Variants in CSMD1 observed in about 807,000 individuals in gnomAD.
CSMD1 encodes CUB and Sushi multiple domains 1, also known as CUB and sushi domain-containing protein 1.
A neutral mutation model predicts 417.5 loss-of-function variants in CSMD1; 213 were observed. That is an observed-to-expected ratio of 0.51 (90% CI 0.46 to 0.57). The LOEUF (loss-of-function observed/expected upper bound fraction) is 0.57, where lower values mean the gene tolerates loss of function less well. CSMD1 is among the 20% of genes least tolerant of loss of function. CSMD1 has a pLI of 0.00. For synonymous variants in CSMD1, 2,862 were observed against 1,736.8 expected (o/e 1.65, Z -16.11); for missense variants, 6,923 against 4,529.7 (o/e 1.53, Z -15.17).
intron 3 of CSMD1, among the ~76,000 whole-genome samples, chr8:4,126,591 G>A (rs1802779443): frequency 6.6e-6 from 1 of 152,096 alleles, no homozygotes; most frequent in Non-Finnish European, 1.5e-5. Flanking sequence ...GCCACCTTCT[G>A]CTGTCTTTCA....
chr8:4,396,275 A>C (rs146170692), intron 3 of CSMD1, among the ~76,000 whole-genome samples: 1 of 151,308 alleles, frequency 6.6e-6, no homozygotes, highest in African/African-American at 2.4e-5. Flanking sequence ...CAGCTTGGGG[A>C]ATACAGTGAG....
intron 26 of CSMD1, among the ~76,000 whole-genome samples, chr8:3,261,874 G>A (rs1157061177): frequency 6.6e-6 from 1 of 152,068 alleles, no homozygotes; most frequent in Non-Finnish European, 1.5e-5. Flanking sequence ...AATGGGTACG[G>A]CTATCAAAGA....
intron 3 of CSMD1, among the ~76,000 whole-genome samples, chr8:4,178,990 T>C (rs1197584622): frequency 1.3e-5 from 2 of 152,100 alleles, no homozygotes; most frequent in Non-Finnish European, 2.9e-5. Context: ...ATCGTGAAAA[T>C]GGCCATACTG....
At chr8:2,987,109 G>C (rs1805981979) in intron 54 of CSMD1, among the ~76,000 whole-genome samples, 1 of 151,908 alleles carries the variant, frequency 6.6e-6, no homozygotes, top group Non-Finnish European at 1.5e-5. Context: ...TCCAGGCTTT[G>C]GATGTATTTT....
intron 3 of CSMD1, among the ~76,000 whole-genome samples, chr8:4,279,143 C>A (rs1321324647): frequency 6.6e-6 from 1 of 152,104 alleles, no homozygotes; most frequent in African/African-American, 2.4e-5. Flanking sequence ...TCCGTTTAGA[C>A]GTGCAAAGGA....
intron 37 of CSMD1, among the ~76,000 whole-genome samples, chr8:3,172,283 C>A (rs2129044261): frequency 6.6e-6 from 1 of 152,142 alleles, no homozygotes; most frequent in South Asian, 2.1e-4. Flanking sequence ...GTGCTGGGTT[C>A]TTTTCCACCT....
intron 7 of CSMD1, chr8:3,700,607 G>A (rs180858074): frequency 7.9e-5 from 12 of 152,288 alleles, no homozygotes; most frequent in African/African-American, 2.9e-4. Flanking sequence ...TATTTAGTTA[G>A]GGTGATCAGT....
At chr8:2,970,731 C>G (rs1308145104) in intron 57 of CSMD1, among the ~76,000 whole-genome samples, 1 of 152,226 alleles carries the variant, frequency 6.6e-6, no homozygotes, top group Non-Finnish European at 1.5e-5. Context: ...TCACAATTCA[C>G]AAACCCACCA....
chr8:3,756,407 TTA>T (rs1797660931), intron 5 of CSMD1, among the ~76,000 whole-genome samples: 1 of 152,052 alleles, frequency 6.6e-6, no homozygotes. Context: ...ATAATTATTT[TTA>T]TACACACAAA....
chr8:4,919,614 G>C (rs780257357), intron 1 of CSMD1, among the ~76,000 whole-genome samples: 18 of 152,134 alleles, frequency 1.2e-4, no homozygotes, highest in African/African-American at 2.2e-4. Context: ...GTAACAATTT[G>C]TACCATAATA....
At chr8:4,748,502 C>A (rs1811098793) in intron 1 of CSMD1, among the ~76,000 whole-genome samples, 1 of 152,166 alleles carries the variant, frequency 6.6e-6, no homozygotes, top group South Asian at 2.1e-4. Context: ...GTTCCCATTC[C>A]TTGTTAGTTT....
chr8:3,377,893 G>C (rs1050953647), intron 18 of CSMD1, among the ~76,000 whole-genome samples: 2 of 152,158 alleles, frequency 1.3e-5, no homozygotes, highest in Non-Finnish European at 2.9e-5. Context: ...GTAAACACAT[G>C]TTATATTATC....
chr8:3,528,446 C>T (rs1454832066), intron 10 of CSMD1, among the ~76,000 whole-genome samples: 1 of 152,202 alleles, frequency 6.6e-6, no homozygotes, highest in Non-Finnish European at 1.5e-5. Flanking sequence ...GCCATGCCTG[C>T]TTCTATGCCT....
At chr8:4,440,115 C>T (rs1563174943) in intron 2 of CSMD1, among the ~76,000 whole-genome samples, 1 of 152,084 alleles carries the variant, frequency 6.6e-6, no homozygotes, top group African/African-American at 2.4e-5. Context: ...GGAACTCATT[C>T]TCTTTAAAGT....
At chr8:4,440,815 C>T (rs570620880) in intron 2 of CSMD1, among the ~76,000 whole-genome samples, 4 of 151,866 alleles carry the variant, frequency 2.6e-5, no homozygotes, top group Non-Finnish European at 5.9e-5. Context: ...GGCTAACATG[C>T]TCAAACCTCC....
intron 3 of CSMD1, among the ~76,000 whole-genome samples, chr8:4,333,631 T>G (rs956754975): frequency 1.3e-5 from 2 of 152,160 alleles, no homozygotes; most frequent in African/African-American, 4.8e-5. Context: ...AGGAGAGTGA[T>G]CTAAATCTAG....
At chr8:4,822,508 G>A (rs1387456746) in intron 1 of CSMD1, among the ~76,000 whole-genome samples, 1 of 151,850 alleles carries the variant, frequency 6.6e-6, no homozygotes, top group Admixed American at 6.6e-5. Context: ...CATTTACCTG[G>A]GCCACAGGAT....
intron 5 of CSMD1, among the ~76,000 whole-genome samples, chr8:3,892,193 G>A (rs1440006684): frequency 6.6e-6 from 1 of 152,130 alleles, no homozygotes; most frequent in Non-Finnish European, 1.5e-5. Context: ...CTTCCAATGT[G>A]TAGCCCTATT....
At chr8:4,808,322 A>G (rs1314010091) in intron 1 of CSMD1, among the ~76,000 whole-genome samples, 2 of 152,182 alleles carry the variant, frequency 1.3e-5, no homozygotes, top group African/African-American at 4.8e-5. Context: ...GTGTAAATCT[A>G]TCTTTCCACC....
Sources: gnomAD v4.1 joint callset for allele counts (sites outside exome capture counted in the v4.1 genomes callset) on GRCh38, gnomAD v4.1.1 for gene constraint, MANE v1.5 for transcripts, NCBI Gene and HGNC (gene_info 2026-07-23, HGNC 2026-07-21) for gene names.